Variants in ERC2 observed in about 807,000 individuals in gnomAD.
ERC2 encodes the protein ERC protein 2.
ERC2 carries 42 observed loss-of-function variants against 114.8 expected under a neutral mutation model. The ratio of observed to expected loss-of-function variants is 0.37; its 90% CI spans 0.29 to 0.47. The LOEUF (loss-of-function observed/expected upper bound fraction) is 0.47, where lower values mean the gene tolerates loss of function less well. ERC2 is among the 20% of genes least tolerant of loss of function. The pLI is 0.99. For missense variants in ERC2, 939 were observed against 1,150.7 expected, an observed-to-expected ratio of 0.82 and a Z score of 2.66; for synonymous variants, 454 against 425.5, an observed-to-expected ratio of 1.07 and a Z score of -0.82.
At chr3:55,856,567 T>TATAC (rs1181146124) in intron 14 of ERC2, among the ~76,000 whole-genome samples, 2 of 152,200 alleles carry the variant, frequency 1.3e-5, no homozygotes, top group African/African-American at 4.8e-5. Flanking sequence ...CACATGTATA[T>TATAC]GTCTCTGCGT....
In ERC2 at chr3:55,582,615, G is replaced by A. The variant is rs545649437; in HGVS notation, c.*40-71339C>T. On this transcript the variant is annotated intron_variant, in intron 17 of 17. Coordinates refer to ENST00000288221, the MANE Select transcript of ERC2 (RefSeq NM_015576.3). The stretch of plus-strand genomic sequence containing the variant: ...AGTTTGTAAGCAAGCTCAGACTACC[G>A]ACTGCCTTTGTATCATATCAGTCTT... Among the ~76,000 whole-genome samples, 4 of 152,268 alleles carry A rather than the reference G, an allele frequency of 2.6e-5. 1 individual carries two copies. The South Asian group carries it at 8.3e-4, about 32-fold the overall frequency.
At chr3:56,260,868 T>C (rs1004699234) in intron 3 of ERC2, among the ~76,000 whole-genome samples, 4 of 152,220 alleles carry the variant, frequency 2.6e-5, no homozygotes, top group Non-Finnish European at 4.4e-5. Context: ...CACAACCCTT[T>C]AGTGGCATGG....
At chr3:55,650,246 G>A (rs2060559869) in intron 17 of ERC2, among the ~76,000 whole-genome samples, 1 of 152,140 alleles carries the variant, frequency 6.6e-6, no homozygotes, top group African/African-American at 2.4e-5. Context: ...AGCGTTCCCT[G>A]CAAAAAGAGT....
chr3:55,771,948 G>A (rs1202763705), intron 14 of ERC2, among the ~76,000 whole-genome samples: 1 of 152,156 alleles, frequency 6.6e-6, no homozygotes, highest in Non-Finnish European at 1.5e-5. Flanking sequence ...CTCACTTGGA[G>A]GGGTGAAATA....
rs1271702213 is a variant in ERC2 at position 55,684,994 on chromosome 3, G to GA, written c.2848-1136dup. ...GTTACACTCTTAGGTTGAATCCTATGAAAATGCCAATATTTGGCCATTTTT... is the reference window on the plus strand; with the variant it reads ...GTTACACTCTTAGGTTGAATCCTATGAAAAATGCCAATATTTGGCCATTTTT... On this transcript the variant is annotated intron_variant, in intron 16 of 17. Transcript: ENST00000288221. Among the ~76,000 whole-genome samples, 3 of 152,166 alleles carry GA rather than the reference G, an allele frequency of 2.0e-5. No homozygotes were observed. The East Asian group carries it at 5.8e-4, about 29-fold the overall frequency.
At chr3:55,849,843 C>T (rs537729794) in intron 14 of ERC2, among the ~76,000 whole-genome samples, 69 of 152,204 alleles carry the variant, frequency 4.5e-4, no homozygotes, top group African/African-American at 1.6e-3. Context: ...TTGATCTTCA[C>T]CTTAAAAACA....
intron 17 of ERC2, among the ~76,000 whole-genome samples, chr3:55,545,788 T>C (rs2054703470): frequency 6.6e-6 from 1 of 152,028 alleles, no homozygotes; most frequent in Admixed American, 6.6e-5. Context: ...CTGGGCCGGG[T>C]CCTCCTGCCA....
At chr3:56,171,565 T>C (rs530232236) in intron 4 of ERC2, among the ~76,000 whole-genome samples, 1 of 152,340 alleles carries the variant, frequency 6.6e-6, no homozygotes, top group South Asian at 2.1e-4. Flanking sequence ...AACTCTAGGC[T>C]CAATTTAGTG....
At chr3:56,402,199 G>T (rs530558534) in intron 2 of ERC2, among the ~76,000 whole-genome samples, 1 of 152,292 alleles carries the variant, frequency 6.6e-6, no homozygotes, top group South Asian at 2.1e-4. Context: ...CAGGCAGTGT[G>T]CCCAGAGTGG....
intron 17 of ERC2, among the ~76,000 whole-genome samples, chr3:55,651,771 T>C (rs1451820220): frequency 1.3e-5 from 2 of 152,176 alleles, no homozygotes; most frequent in East Asian, 3.9e-4. Flanking sequence ...GGATCATCCA[T>C]TATTCTCTGA....
At chr3:56,341,483 C>G (rs964828836) in intron 2 of ERC2, among the ~76,000 whole-genome samples, 1 of 152,096 alleles carries the variant, frequency 6.6e-6, no homozygotes, top group Non-Finnish European at 1.5e-5. Flanking sequence ...ACAGAACTAC[C>G]TGTTGGGATG....
At chr3:56,406,831 A>G (rs1354841385) in intron 2 of ERC2, among the ~76,000 whole-genome samples, 6 of 152,242 alleles carry the variant, frequency 3.9e-5, no homozygotes, top group Non-Finnish European at 7.3e-5. Context: ...GAAAAGTTAG[A>G]TTAATTAGAA....
intron 17 of ERC2, among the ~76,000 whole-genome samples, chr3:55,638,739 G>T (rs143977787): frequency 6.6e-6 from 1 of 152,130 alleles, no homozygotes; most frequent in Non-Finnish European, 1.5e-5. Context: ...GTTTTAAATT[G>T]ACTTCCTTAA....
At chr3:55,712,353 T>A (rs142279172) in intron 15 of ERC2, among the ~76,000 whole-genome samples, 235 of 152,254 alleles carry the variant, frequency 1.5e-3, no homozygotes, top group African/African-American at 5.4e-3. Context: ...ATTTGAACAC[T>A]TTAGGTGTTC....
At chr3:55,812,380 A>G (rs971023815) in intron 14 of ERC2, among the ~76,000 whole-genome samples, 4 of 152,226 alleles carry the variant, frequency 2.6e-5, no homozygotes, top group African/African-American at 7.2e-5. Flanking sequence ...ACTTCAAATA[A>G]TCCATTAATG....
chr3:55,932,330 T>A (rs1033923176), intron 13 of ERC2, among the ~76,000 whole-genome samples: 2 of 152,228 alleles, frequency 1.3e-5, no homozygotes, highest in African/African-American at 4.8e-5. Context: ...AAGGCAATAA[T>A]GATGTTATTA....
chr3:55,935,774 T>C (rs900356754), intron 13 of ERC2, among the ~76,000 whole-genome samples: 3 of 152,170 alleles, frequency 2.0e-5, no homozygotes, highest in African/African-American at 4.8e-5. Context: ...GCCCCTTTGT[T>C]ACGCTGCCCT....
At chr3:56,450,420 T>A (rs2062777458) in intron 1 of ERC2, among the ~76,000 whole-genome samples, 1 of 152,220 alleles carries the variant, frequency 6.6e-6, no homozygotes, top group Non-Finnish European at 1.5e-5. Context: ...TATTTAAATT[T>A]CAGACTCCAT....
intron 2 of ERC2, among the ~76,000 whole-genome samples, chr3:56,384,694 A>G (rs1307544448): frequency 6.6e-6 from 1 of 152,084 alleles, no homozygotes; most frequent in Non-Finnish European, 1.5e-5. Context: ...GTATGATTTT[A>G]AATTTTGATG....
Sources: gnomAD v4.1 joint callset for allele counts (sites outside exome capture counted in the v4.1 genomes callset) on GRCh38, gnomAD v4.1.1 for gene constraint, MANE v1.5 for transcripts, NCBI Gene and HGNC (gene_info 2026-07-23, HGNC 2026-07-21) for gene names.